The following ZC3H4 variants were observed in gnomAD, a reference collection of about 807,000 sequenced individuals.
ZC3H4 encodes the protein zinc finger CCCH domain-containing protein 4.
In ZC3H4, 13 loss-of-function variants were observed where a neutral mutation model predicts 108.3. The observed-to-expected ratio is 0.12, with a 90% CI of 0.08 to 0.19. The LOEUF is 0.19. Ranked by LOEUF, ZC3H4 falls within the 10% of genes least tolerant of loss-of-function variation. The probability of loss-of-function intolerance (pLI) is 1.00; values close to 1 mark genes in which losing one functional copy is unlikely to be tolerated. For synonymous variants in ZC3H4, 917 were observed against 749.6 expected, an observed-to-expected ratio of 1.22 and a Z score of -3.65; for missense variants, 1,734 against 1,838.8, an observed-to-expected ratio of 0.94 and a Z score of 1.04.
chr19:47,093,515 G>A (rs2057772204), intron 4 of ZC3H4, among the ~76,000 whole-genome samples: 1 of 152,190 alleles, frequency 6.6e-6, no homozygotes, highest in Admixed American at 6.5e-5. Flanking sequence ...TCGAGAACAT[G>A]CCTCATGGAG....
intron 2 of ZC3H4, among the ~76,000 whole-genome samples, chr19:47,101,034 T>C (rs2057897357): frequency 6.6e-6 from 1 of 151,960 alleles, no homozygotes; most frequent in African/African-American, 2.4e-5. Flanking sequence ...AAGTTAGAGA[T>C]TCATACTGAA....
intron 2 of ZC3H4, among the ~76,000 whole-genome samples, chr19:47,097,871 G>C (rs957585571): frequency 6.6e-6 from 1 of 152,162 alleles, no homozygotes; most frequent in Admixed American, 6.5e-5. Flanking sequence ...TCTATTCCCA[G>C]AGCCTGGATT....
intron 11 of ZC3H4, among the ~76,000 whole-genome samples, chr19:47,080,869 G>A (rs2057509242): frequency 6.6e-6 from 1 of 152,074 alleles, no homozygotes; most frequent in Non-Finnish European, 1.5e-5. Flanking sequence ...CTGGCCTCAG[G>A]TGATCTGCCC....
At chr19:47,108,341 C>T (rs73943625) in intron 2 of ZC3H4, among the ~76,000 whole-genome samples, 4,068 of 152,136 alleles carry the variant, frequency 0.027, 150 homozygotes, top group African/African-American at 0.085. Context: ...CCACGGAGAC[C>T]TGGAAATAGT....
intron 9 of ZC3H4, among the ~76,000 whole-genome samples, chr19:47,083,981 A>G (rs890296481): frequency 6.6e-6 from 1 of 152,020 alleles, no homozygotes; most frequent in Non-Finnish European, 1.5e-5. Flanking sequence ...TTCTGTTTGG[A>G]TGCTTTAATC....
At chr19:47,106,437 A>G (rs1158333223) in intron 2 of ZC3H4, among the ~76,000 whole-genome samples, 1 of 152,220 alleles carries the variant, frequency 6.6e-6, no homozygotes, top group Non-Finnish European at 1.5e-5. Context: ...TGGGCAACAG[A>G]GCAAAACCCT....
chr19:47,067,187 C>T lies in ZC3H4; in HGVS notation c.3081G>A (p.Pro1027=), dbSNP rs371787728. ...GTGTGCTGGAATCCGTGGAGGCGCC[C>T]GGGCGCTGCCGGGCGTTGGGGGGCC... ...TAGPPNARQR[P]GASTDSSTQG... The change falls in exon 15 of 15, where the codon CCG becomes CCA. Residue 1027 remains proline, a synonymous_variant. Coordinates refer to ENST00000253048, the MANE Select transcript of ZC3H4 (RefSeq NM_015168.2). This position sits in a 1 kb window ranked among gnomAD's most constrained non-coding sequence, Gnocchi z 6.4. 7.9e-5 allele frequency: 127 copies of T among 1,610,198 alleles called. No homozygotes were observed. The highest frequency in any genetic ancestry group is 1.0e-4 in the Non-Finnish European group (118 of 1,178,240).
chr19:47,096,508 A>C (rs1201022478), intron 2 of ZC3H4, among the ~76,000 whole-genome samples: 1 of 152,240 alleles, frequency 6.6e-6, no homozygotes, highest in African/African-American at 2.4e-5. Context: ...TTACTCAGTG[A>C]CATGGCAAAC....
intron 5 of ZC3H4, among the ~76,000 whole-genome samples, chr19:47,087,306 A>C (rs892214557): frequency 6.6e-6 from 1 of 150,996 alleles, no homozygotes; most frequent in South Asian, 2.1e-4. Flanking sequence ...ACAAAAAAAA[A>C]CCCAAATGAG....
rs761242118 is a variant in ZC3H4, at chr19:47,072,684, G to T, written c.1470C>A (p.Ala490=). 4 of 1,613,838 alleles carry T rather than the reference G, an allele frequency of 2.5e-6. No individual in the cohort carries two copies. Among genetic ancestry groups the T allele is most frequent in the South Asian group, 1.1e-5 (1 of 91,076 alleles). Residue 490 remains alanine (A), a synonymous_variant, in exon 12 of 15, where the codon GCC becomes GCA. Transcript: ENST00000253048. The surrounding 1 kb of genome is among the most constrained non-coding windows in gnomAD (Gnocchi z 5.6). ...GTTCCTCCACCTCCTTCTCATCCTC[G>T]GCACCTGCTTCTGCATCATCGGCCA... ...KMLADDAEAG[A]EDEKEVEELK...
At chr19:47,096,654 G>A (rs1391691854) in intron 2 of ZC3H4, 2 of 298,240 alleles carry the variant, frequency 6.7e-6, no homozygotes, top group Non-Finnish European at 9.9e-6. Context: ...ACAGACTGGA[G>A]GTATACATGC....
At position 47,068,000 on chromosome 19, in the gene ZC3H4, A is replaced by T. The variant is rs928400510; in HGVS notation, c.2399-131T>A. The T allele has an allele frequency of 4.5e-6, 4 of 892,428 alleles. No homozygotes were observed. The South Asian group carries it at 6.5e-5, about 14-fold the overall frequency. The allele number at this position is 892,428 out of a possible 1,614,324, so 55.3% of individuals were successfully genotyped here. ...TCAGAACCTCAGGTCCTCCTCTCTA[A>T]GGCTCCCTCCCCACAGTGGGCGGCT... On this transcript the variant is annotated intron_variant, in intron 14 of 14. Coordinates refer to ENST00000253048, the MANE Select transcript of ZC3H4 (RefSeq NM_015168.2). This position sits in a 1 kb window ranked among gnomAD's most constrained non-coding sequence, Gnocchi z 6.4.
chr19:47,099,821 TAAAAAAAA>T (rs34876026), intron 2 of ZC3H4, among the ~76,000 whole-genome samples: 11 of 103,154 alleles, frequency 1.1e-4, no homozygotes, highest in African/African-American at 3.2e-4. Flanking sequence ...TACAAGAGTT[TAAAAAAAA>T]AAAAAAAAAA....
chr19:47,112,845 C>G (rs926986631), intron 1 of ZC3H4, among the ~76,000 whole-genome samples: 1 of 152,092 alleles, frequency 6.6e-6, no homozygotes. Flanking sequence ...GAGAGCCCCC[C>G]CCCCACGCAC....
rs371203061 is a variant in ZC3H4 at position 47,112,302 on chromosome 19, T to TTCCTCCTCC, written c.161+113_161+121dup. 1,038 of 1,051,984 alleles carry TTCCTCCTCC rather than the reference T, an allele frequency of 9.9e-4. 12 individuals are homozygous for TTCCTCCTCC. In the African/African-American group the frequency reaches 0.016, roughly 16 times the overall value. 65.2% of individuals were successfully genotyped at this position (1,051,984 alleles called of 1,614,324 possible). ...CGAGAGACACCCACCGACCCCGCCC[T>TTCCTCCTCC]TCCTCCTCCTCCTCCTCCTCCTCCT... On this transcript the variant is annotated intron_variant, in intron 2 of 14. Transcript: ENST00000253048.
chr19:47,076,307 G>A (rs1435275223), intron 11 of ZC3H4, among the ~76,000 whole-genome samples: 2 of 125,066 alleles, frequency 1.6e-5, no homozygotes, highest in Non-Finnish European at 3.4e-5. Flanking sequence ...CTCAACACAT[G>A]CACGCGTGCG....
intron 14 of ZC3H4, among the ~76,000 whole-genome samples, chr19:47,068,546 CT>C (rs1568529299): frequency 6.6e-6 from 1 of 152,198 alleles, no homozygotes; most frequent in Admixed American, 6.5e-5. Flanking sequence ...GGAGCGGCCC[CT>C]CCTCCTGCTG....
chr19:47,085,641 C>A (rs1196218785), intron 6 of ZC3H4, among the ~76,000 whole-genome samples: 1 of 152,184 alleles, frequency 6.6e-6, no homozygotes, highest in Non-Finnish European at 1.5e-5. Flanking sequence ...TCCCTACGTA[C>A]ACATCACTGT....
Position 47,094,471 on chromosome 19 carries a change from T to C in ZC3H4, c.299A>G (p.His100Arg). The C allele has an allele frequency of 6.2e-7, 1 of 1,614,232 alleles. No homozygotes were observed. Among genetic ancestry groups the C allele is most frequent in the Non-Finnish European group, 8.5e-7 (1 of 1,180,046 alleles). Residue 100 changes from histidine (H) to arginine (R), a missense_variant, in exon 3 of 15, where the codon CAC (histidine) becomes CGC (arginine). His to Arg is a conservative substitution (Grantham distance 29). This residue lies in a region of ZC3H4 where 403 missense variants were observed against 457.0 expected (regional missense o/e 0.88). Coordinates refer to ENST00000253048, the MANE Select transcript of ZC3H4 (RefSeq NM_015168.2). ...HHSDSDEEKS[H>R]RRLKRKRKKE... ...CTTCCGTTTCCGCTTCAGTCTCCTG[T>C]GGGACTTCTCCTCATCCGAATCACT...
Sources: gnomAD v4.1 joint callset for allele counts (sites outside exome capture counted in the v4.1 genomes callset) on GRCh38, gnomAD v4.1.1 for gene constraint, gnomAD v4.1.1 regional missense constraint, Gnocchi (gnomAD v3.1) non-coding constraint, MANE v1.5 for transcripts, NCBI Gene and HGNC (gene_info 2026-07-23, HGNC 2026-07-21) for gene names.